The following ST14 variants were observed in gnomAD, a reference collection of about 807,000 sequenced individuals.
The protein encoded by ST14 is ST14 transmembrane serine protease matriptase, also known as suppressor of tumorigenicity 14 protein.
A neutral mutation model predicts 96.5 loss-of-function variants in ST14; 40 were observed. That is an observed-to-expected ratio of 0.41 (90% CI 0.32 to 0.54). The LOEUF (loss-of-function observed/expected upper bound fraction) is 0.54. Among genes scored for constraint, ST14 ranks in the 20% least tolerant of loss-of-function variants. The probability of loss-of-function intolerance (pLI) is 0.17; values close to 1 mark genes in which losing one functional copy is unlikely to be tolerated. For synonymous variants in ST14, 506 were observed against 492.1 expected (o/e 1.03, Z -0.37); for missense variants, 1,066 against 1,188.9 (o/e 0.90, Z 1.52).
intron 10 of ST14, 29 bp from the exon 11 acceptor site, chr11:130,196,541 C>A (rs1953366764): frequency 6.5e-7 from 1 of 1,528,428 alleles, no homozygotes; most frequent in Non-Finnish European, 8.9e-7. Flanking sequence ...AGCTGTCCCT[C>A]CTCACCTTGT....
intron 7 of ST14, among the ~76,000 whole-genome samples, chr11:130,191,475 C>A (rs860841): frequency 6.6e-6 from 1 of 151,698 alleles, no homozygotes; most frequent in Non-Finnish European, 1.5e-5. Flanking sequence ...GGATCACTTG[C>A]GGTCAGGAGT....
intron 7 of ST14, among the ~76,000 whole-genome samples, chr11:130,193,533 G>A (rs553661563): frequency 2.0e-5 from 3 of 151,046 alleles, no homozygotes; most frequent in Non-Finnish European, 2.9e-5. Context: ...GCGGTGGTGC[G>A]ATCTCGGCTC....
chr11:130,198,877 G>A, intron 14 of ST14, 70 bp from the exon 15 acceptor site: 1 of 1,610,652 alleles, frequency 6.2e-7, no homozygotes, highest in Non-Finnish European at 8.5e-7. Flanking sequence ...AGGCGCCATT[G>A]GTGGTTTCTG....
chr11:130,201,416 C>T (rs564092299), intron 16 of ST14, among the ~76,000 whole-genome samples: 1 of 152,244 alleles, frequency 6.6e-6, no homozygotes, highest in Non-Finnish European at 1.5e-5. Context: ...CTGCCCTTTG[C>T]AGGGAGGAGA....
chr11:130,196,433 A>T lies in ST14; in HGVS notation c.1208A>T (p.Glu403Val), dbSNP rs1953364857. Reference sequence around the variant, plus strand: ...GGCACCTGCCCCAAGGACTACGTGGAGATCAACGGGGAGAAGTGAGTCCCC... The same window carrying T: ...GGCACCTGCCCCAAGGACTACGTGGTGATCAACGGGGAGAAGTGAGTCCCC... ...PAGTCPKDYV[E>V]INGEKYCGER... Residue 403 changes from glutamate to valine, a missense_variant, in exon 10 of 19, where the codon GAG becomes GTG. Glu to Val is a moderately radical substitution (Grantham distance 121). Transcript: ENST00000278742. 7 of 1,609,192 alleles carry T rather than the reference A, an allele frequency of 4.4e-6. No individual in the cohort carries two copies. The highest frequency in any genetic ancestry group is 5.9e-6 in the Non-Finnish European group (7 of 1,178,002).
Position 130,174,073 on chromosome 11 carries a change from C to T in ST14, c.81+14013C>T, listed in dbSNP as rs76467554. 5.6e-3 allele frequency among the ~76,000 whole-genome samples: 849 copies of T among 152,284 alleles called. 2 individuals are homozygous for T. Among genetic ancestry groups the T allele is most frequent in the Non-Finnish European group, 9.8e-3 (664 of 68,010 alleles). On this transcript the variant is annotated intron_variant, in intron 1 of 18. Transcript: ENST00000278742. ...TGAAGCAGGAGCAGGACACAGAGGG[C>T]CTCTGGATCATTCTTTAAGACAAGT...
chr11:130,190,999 A>G (rs1192561629), intron 7 of ST14, among the ~76,000 whole-genome samples: 1 of 152,186 alleles, frequency 6.6e-6, no homozygotes, highest in East Asian at 1.9e-4. Context: ...TGTAAAATGT[A>G]GGCTTTATTA....
rs73034654 is a variant in ST14, at chr11:130,192,402, T to C, written c.875+1708T>C. Among the ~76,000 whole-genome samples, 564 of 152,350 alleles carry C rather than the reference T, an allele frequency of 3.7e-3. 4 individuals are homozygous for C. Among genetic ancestry groups the C allele is most frequent in the Admixed American group, 5.6e-3 (86 of 15,298 alleles). Reference sequence around the variant, plus strand: ...AGAAATAACCACTGTTAATTCTTTTTCTTTGAGATGGAATCTCGCTCTGTC... The same window carrying C: ...AGAAATAACCACTGTTAATTCTTTTCCTTTGAGATGGAATCTCGCTCTGTC... On this transcript the variant is annotated intron_variant, in intron 7 of 18. Coordinates refer to ENST00000278742, the MANE Select transcript of ST14 (RefSeq NM_021978.4).
intron 16 of ST14, among the ~76,000 whole-genome samples, chr11:130,203,037 G>T (rs1363298314): frequency 6.6e-6 from 1 of 152,192 alleles, no homozygotes; most frequent in Non-Finnish European, 1.5e-5. Flanking sequence ...GTTAGAGGCT[G>T]AGTCTGCTGA....
In ST14 at chr11:130,208,544, A is replaced by C; in HGVS notation, c.2129A>C (p.Tyr710Ser). The C allele has an allele frequency of 6.2e-7, 1 of 1,614,198 alleles. No homozygotes were observed. Among genetic ancestry groups the C allele is most frequent in the Middle Eastern group, 1.6e-4 (1 of 6,062 alleles). Residue 710 changes from tyrosine to serine, a missense_variant, in exon 17 of 19, where the codon TAT becomes TCT. By Grantham distance (144) the Tyr-to-Ser change is moderately radical. Coordinates refer to ENST00000278742, the MANE Select transcript of ST14 (RefSeq NM_021978.4). ...HPFFNDFTFD[Y>S]DIALLELEKP... ...TTCTTCAATGACTTCACCTTCGACT[A>C]TGACATCGCGCTGCTGGAGCTGGAG...
chr11:130,190,413 C>G (rs1313685873), intron 6 of ST14, 41 bp from the exon 7 acceptor site: 1 of 1,603,282 alleles, frequency 6.2e-7, no homozygotes. Flanking sequence ...CTCTGCCCAG[C>G]CCTGCCCCCA....
At chr11:130,177,306 T>C (rs1426370787) in intron 1 of ST14, among the ~76,000 whole-genome samples, 3 of 151,812 alleles carry the variant, frequency 2.0e-5, no homozygotes, top group Non-Finnish European at 2.9e-5. Context: ...GGCTCACGCC[T>C]GTAATCCCAG....
rs748222427 is a variant in ST14 at position 130,209,656 on chromosome 11, G to C, written c.2407-6G>C. The C allele has an allele frequency of 1.7e-5, 27 of 1,606,704 alleles. No homozygotes were observed. Among genetic ancestry groups the C allele is most frequent in the Middle Eastern group, 1.7e-4 (1 of 5,960 alleles). On this transcript the variant is annotated splice_region_variant and splice_polypyrimidine_tract_variant and intron_variant, in intron 18 of 18. Transcript: ENST00000278742. ...GGGACTCACGGCAGGGCTTGTCTCC[G>C]CCCAGGGTGATTCCGGGGGACCCCT... is the stretch of plus-strand genomic sequence containing the variant.
chr11:130,209,458 C>A lies in ST14; in HGVS notation c.2286C>A (p.Ile762=), dbSNP rs1953525172. The A allele has an allele frequency of 9.5e-6, 15 of 1,585,744 alleles. No individual in the cohort carries two copies. Among genetic ancestry groups the A allele is most frequent in the East Asian group, 2.3e-5 (1 of 43,834 alleles). The change falls in exon 18 of 19, where the codon ATC becomes ATA. Residue 762 remains isoleucine (I), a synonymous_variant. Transcript: ENST00000278742. The part of the protein sequence containing the change: ...HTQYGGTGAL[I]LQKGEIRVIN... The stretch of plus-strand genomic sequence containing the variant: ...TCTCCCCAGGCACTGGCGCGCTGAT[C>A]CTGCAAAAGGGTGAGATCCGCGTCA...
chr11:130,169,785 G>T (rs576846028), intron 1 of ST14, among the ~76,000 whole-genome samples: 3 of 152,170 alleles, frequency 2.0e-5, no homozygotes, highest in African/African-American at 4.8e-5. Context: ...GTAATGAAAG[G>T]CACACTAGCT....
intron 16 of ST14, among the ~76,000 whole-genome samples, chr11:130,204,513 A>C (rs1419787998): frequency 1.3e-5 from 2 of 152,138 alleles, no homozygotes; most frequent in East Asian, 1.9e-4. Context: ...AGGTGGCTGT[A>C]AGAAAGGCCA....
chr11:130,197,739 CTG>C, intron 11 of ST14, 100 bp from the exon 12 acceptor site: 1 of 1,000,856 alleles, frequency 1.0e-6, no homozygotes. Context: ...TGCCCTGCTC[CTG>C]TGTGTTTGTG....
At chr11:130,173,439 T>C (rs1416246074) in intron 1 of ST14, among the ~76,000 whole-genome samples, 1 of 151,862 alleles carries the variant, frequency 6.6e-6, no homozygotes, top group African/African-American at 2.4e-5. Flanking sequence ...CTGCTAAAAA[T>C]ACAAAAATTA....
chr11:130,189,607 G>A (rs143621465), intron 4 of ST14, 132 bp from the exon 5 acceptor site: 6 of 1,180,364 alleles, frequency 5.1e-6, no homozygotes, highest in Non-Finnish European at 7.3e-6. Context: ...CACAAGAGGA[G>A]CTGGGGAAGG....
Sources: gnomAD v4.1 joint callset for allele counts (sites outside exome capture counted in the v4.1 genomes callset) on GRCh38, gnomAD v4.1.1 for gene constraint, MANE v1.5 for transcripts, NCBI Gene and HGNC (gene_info 2026-07-23, HGNC 2026-07-21) for gene names.